The following RABGAP1L variants were observed in gnomAD, a reference collection of about 807,000 sequenced individuals.
RABGAP1L encodes the protein RAB GTPase activating protein 1 like.
In RABGAP1L, 63 loss-of-function variants were observed where a neutral mutation model predicts 137.7. The ratio of observed to expected loss-of-function variants is 0.46; its 90% confidence interval spans 0.37 to 0.56. The LOEUF (loss-of-function observed/expected upper bound fraction) is 0.56. Ranked by LOEUF, RABGAP1L falls within the 20% of genes least tolerant of loss-of-function variation. RABGAP1L has a pLI of 0.00. For synonymous variants in RABGAP1L, 431 were observed against 433.7 expected (o/e 0.99, Z 0.08); for missense variants, 1,095 against 1,244.0 (o/e 0.88, Z 1.80).
At position 174,503,094 on chromosome 1, in the gene RABGAP1L, C is replaced by T. The variant is rs1661475945; in HGVS notation, c.1710+108949C>T. ...TGGGTAAGTGCTGTATTCTCATCTT[C>T]CATGTTGCGAAGTCAGTAGATAAGG... On this transcript the variant is annotated intron_variant, in intron 13 of 25. Coordinates refer to ENST00000681986, the MANE Select transcript of RABGAP1L (RefSeq NM_001366446.1). Among the ~76,000 whole-genome samples, 3 of 152,074 alleles carry T rather than the reference C, an allele frequency of 2.0e-5. No individual in the cohort carries two copies. In the South Asian group the frequency reaches 6.2e-4, roughly 32 times the overall value.
At chr1:174,873,465 G>A (rs1353799912) in intron 19 of RABGAP1L, among the ~76,000 whole-genome samples, 1 of 151,178 alleles carries the variant, frequency 6.6e-6, no homozygotes, top group African/African-American at 2.4e-5. Flanking sequence ...TAGAATATGA[G>A]ATATAGGAAA....
chr1:174,850,213 C>A (rs1648046756), intron 19 of RABGAP1L: 1 of 334,730 alleles, frequency 3.0e-6, no homozygotes, highest in South Asian at 2.9e-5. Context: ...CACGTGGGAA[C>A]ACCAGTGCAG....
At chr1:174,293,512 C>T (rs1207458348) in intron 10 of RABGAP1L, among the ~76,000 whole-genome samples, 1 of 152,144 alleles carries the variant, frequency 6.6e-6, no homozygotes, top group Non-Finnish European at 1.5e-5. Flanking sequence ...GTTAAAATGT[C>T]AACATCTCCA....
At chr1:174,869,018 G>A (rs894182559) in intron 19 of RABGAP1L, among the ~76,000 whole-genome samples, 1 of 151,808 alleles carries the variant, frequency 6.6e-6, no homozygotes, top group East Asian at 1.9e-4. Flanking sequence ...GGCATTGGTT[G>A]TGTTCTCGTA....
At chr1:174,619,641 G>A (rs1048438589) in intron 13 of RABGAP1L, among the ~76,000 whole-genome samples, 6 of 152,114 alleles carry the variant, frequency 3.9e-5, no homozygotes, top group African/African-American at 4.8e-5. Flanking sequence ...TGAAGGAAGC[G>A]CTAAACATGG....
chr1:174,601,527 A>G (rs867009151), intron 13 of RABGAP1L, among the ~76,000 whole-genome samples: 6 of 152,292 alleles, frequency 3.9e-5, no homozygotes, highest in Middle Eastern at 3.4e-3. Flanking sequence ...GGATAGCATT[A>G]GGAGAAATAC....
chr1:174,274,658 A>G (rs1016410942), intron 8 of RABGAP1L, among the ~76,000 whole-genome samples: 2 of 146,354 alleles, frequency 1.4e-5, no homozygotes, highest in Non-Finnish European at 3.0e-5. Flanking sequence ...GAAAGAGACC[A>G]TTATCATATG....
intron 16 of RABGAP1L, chr1:174,700,965 GT>G (rs1434385274): frequency 2.0e-5 from 19 of 958,530 alleles, no homozygotes; most frequent in Admixed American, 3.5e-5. Context: ...TCTGTTAGCA[GT>G]TTTTTTTCAG....
intron 11 of RABGAP1L, among the ~76,000 whole-genome samples, chr1:174,330,584 T>TTAAA (rs985779356): frequency 1.4e-5 from 2 of 140,224 alleles, no homozygotes; most frequent in African/African-American, 5.5e-5. Context: ...GACTCTGTCT[T>TTAAA]TAAACAAACA....
chr1:174,779,787 A>G (rs1269986557), intron 18 of RABGAP1L, among the ~76,000 whole-genome samples: 1 of 152,184 alleles, frequency 6.6e-6, no homozygotes, highest in Non-Finnish European at 1.5e-5. Context: ...TTTCTTTTGA[A>G]TACAAAAGCC....
intron 7 of RABGAP1L, among the ~76,000 whole-genome samples, chr1:174,261,284 G>A (rs1673560533): frequency 6.6e-6 from 1 of 151,990 alleles, no homozygotes; most frequent in South Asian, 2.1e-4. Context: ...TTGATTTGGG[G>A]GGATACAATC....
intron 14 of RABGAP1L, among the ~76,000 whole-genome samples, chr1:174,645,908 T>G (rs1352745694): frequency 6.6e-6 from 1 of 152,190 alleles, no homozygotes. Flanking sequence ...TTCTAACTGG[T>G]GTGAGATGGT....
intron 1 of RABGAP1L, among the ~76,000 whole-genome samples, chr1:174,209,463 T>C (rs376045781): frequency 8.5e-5 from 13 of 152,170 alleles, no homozygotes; most frequent in African/African-American, 3.1e-4. Flanking sequence ...CTTGGAAGTA[T>C]ACCAAATGGG....
chr1:174,744,361 G>A lies in RABGAP1L; in HGVS notation c.2170-7952G>A, dbSNP rs77558702. Among the ~76,000 whole-genome samples the A allele has an allele frequency of 4.1e-3, 627 of 152,202 alleles. 6 individuals are homozygous for A. The highest frequency in any genetic ancestry group is 0.012 in the African/African-American group (509 of 41,552). On this transcript the variant is annotated intron_variant, in intron 17 of 25. Transcript: ENST00000681986. Reference sequence around the variant, plus strand: ...CTAGTATTAACTTATTTCTTTTTGCGTGTTAATTATCTGTCACTTTCACTA... The same window carrying A: ...CTAGTATTAACTTATTTCTTTTTGCATGTTAATTATCTGTCACTTTCACTA...
At chr1:174,849,709 C>T (rs559030759) in intron 19 of RABGAP1L, 40 of 443,558 alleles carry the variant, frequency 9.0e-5, no homozygotes, top group Non-Finnish European at 1.5e-4. Flanking sequence ...CAGGAGATTT[C>T]GACTTCTGAA....
rs773714360 is a variant in RABGAP1L at position 174,448,357 on chromosome 1, G to A, written c.1710+54212G>A. The A allele has an allele frequency of 1.7e-5, 27 of 1,613,738 alleles. No individual in the cohort carries two copies. Among genetic ancestry groups the A allele is most frequent in the East Asian group, 1.3e-4 (6 of 44,884 alleles). On this transcript the variant is annotated intron_variant, in intron 13 of 25. Transcript: ENST00000681986. This position sits in a 1 kb window ranked among gnomAD's most constrained non-coding sequence, Gnocchi z 4.2. ...ATACTACCAGCTATTTCATTCAGAC[G>A]ATGGCATATGCTGATCTTTTCGTTG...
At chr1:174,566,951 A>G (rs1454704876) in intron 13 of RABGAP1L, among the ~76,000 whole-genome samples, 1 of 152,140 alleles carries the variant, frequency 6.6e-6, no homozygotes, top group Non-Finnish European at 1.5e-5. Flanking sequence ...AAGTATGACT[A>G]TAATGTAATG....
chr1:174,612,965 T>TGATA (rs1671410114), intron 13 of RABGAP1L, among the ~76,000 whole-genome samples: 3 of 151,764 alleles, frequency 2.0e-5, no homozygotes, highest in Non-Finnish European at 4.4e-5. Flanking sequence ...TTATTAGTCT[T>TGATA]GCTAGTGGTC....
intron 20 of RABGAP1L, chr1:174,964,863 G>A: frequency 1.4e-6 from 2 of 1,444,654 alleles, no homozygotes; most frequent in Admixed American, 2.6e-5. Context: ...AGAAGTGTCT[G>A]TTTTTGTTAT....
Sources: allele counts gnomAD v4.1 joint callset (sites outside exome capture counted in the v4.1 genomes callset), GRCh38; gene constraint gnomAD v4.1.1; non-coding constraint Gnocchi (gnomAD v3.1); transcripts MANE v1.5; gene names NCBI Gene and HGNC (gene_info 2026-07-23, HGNC 2026-07-21).